The following PPP2R2B variants were observed in gnomAD, a reference collection of about 807,000 sequenced individuals.
PPP2R2B encodes the protein protein phosphatase 2 regulatory subunit Bbeta, also known as serine/threonine-protein phosphatase 2A 55 kDa regulatory subunit B beta isoform.
Under a neutral mutation model 46.0 loss-of-function variants are expected in PPP2R2B, and 5 were observed. That is an observed-to-expected ratio of 0.11 (90% CI 0.06 to 0.23). The LOEUF (loss-of-function observed/expected upper bound fraction) is 0.23. Among genes scored for constraint, PPP2R2B ranks in the 10% least tolerant of loss-of-function variants. PPP2R2B has a pLI of 1.00. For missense variants in PPP2R2B, 367 were observed against 575.0 expected (o/e 0.64, Z 3.70); for synonymous variants, 215 against 206.7 (o/e 1.04, Z -0.34).
chr5:146,906,280 T>C (rs1431569903), intron 1 of PPP2R2B, among the ~76,000 whole-genome samples: 1 of 151,690 alleles, frequency 6.6e-6, no homozygotes, highest in African/African-American at 2.4e-5. Flanking sequence ...TTAAAATTAA[T>C]TTCACCTGCT....
intron 1 of PPP2R2B, among the ~76,000 whole-genome samples, chr5:146,990,075 A>C (rs1014147168): frequency 1.4e-5 from 1 of 70,992 alleles, no homozygotes; most frequent in Admixed American, 1.6e-4. Flanking sequence ...TAATGAAAGA[A>C]GCTGAAAAAG....
At chr5:146,802,018 C>T (rs1005989292) in intron 2 of PPP2R2B, among the ~76,000 whole-genome samples, 2 of 152,074 alleles carry the variant, frequency 1.3e-5, no homozygotes, top group Non-Finnish European at 2.9e-5. Flanking sequence ...GCTGTGTCCT[C>T]GGCTGGGTCC....
chr5:147,020,749 A>G (rs1755222768), intron 1 of PPP2R2B, among the ~76,000 whole-genome samples: 1 of 152,200 alleles, frequency 6.6e-6, no homozygotes, highest in African/African-American at 2.4e-5. Context: ...TTAACTTCTA[A>G]TGAGAACAGT....
chr5:146,760,052 T>C (rs1754066419), intron 2 of PPP2R2B, among the ~76,000 whole-genome samples: 1 of 152,210 alleles, frequency 6.6e-6, no homozygotes, highest in Non-Finnish European at 1.5e-5. Flanking sequence ...AGAAGCTAAA[T>C]CTGCTTCCTA....
intron 1 of PPP2R2B, among the ~76,000 whole-genome samples, chr5:146,989,649 T>C (rs560159399): frequency 1.3e-5 from 2 of 152,164 alleles, no homozygotes; most frequent in South Asian, 2.1e-4. Flanking sequence ...TTATATGGAA[T>C]AGGCAAAAGT....
intron 8 of PPP2R2B, among the ~76,000 whole-genome samples, chr5:146,593,610 G>T (rs1327300531): frequency 2.0e-5 from 3 of 152,194 alleles, no homozygotes; most frequent in Non-Finnish European, 4.4e-5. Context: ...AGTAGTCAGG[G>T]CTTCACTGGA....
chr5:146,721,823 A>G (rs528576979), intron 2 of PPP2R2B, among the ~76,000 whole-genome samples: 1 of 152,336 alleles, frequency 6.6e-6, no homozygotes, highest in African/African-American at 2.4e-5. Context: ...TCTTGCAACA[A>G]CCTTGCAGGA....
chr5:146,753,573 G>A (rs145801977), intron 2 of PPP2R2B, among the ~76,000 whole-genome samples: 13 of 152,234 alleles, frequency 8.5e-5, no homozygotes, highest in Non-Finnish European at 1.6e-4. Context: ...TTACAGGGAG[G>A]GAGATTCTTG....
chr5:146,746,440 C>T (rs1044840855), intron 2 of PPP2R2B, among the ~76,000 whole-genome samples: 6 of 152,062 alleles, frequency 3.9e-5, no homozygotes, highest in African/African-American at 1.4e-4. Context: ...GGGTGACAGC[C>T]AGAATCAGAG....
At chr5:146,922,134 G>T (rs1005486017) in intron 1 of PPP2R2B, among the ~76,000 whole-genome samples, 22 of 152,134 alleles carry the variant, frequency 1.4e-4, no homozygotes, top group African/African-American at 5.3e-4. Flanking sequence ...GCCTAGTTGA[G>T]GGTTAAGTAC....
At position 146,925,285 on chromosome 5, in the gene PPP2R2B, C is replaced by T. The variant is rs74900892; in HGVS notation, c.79+130380G>A. 4.9e-4 allele frequency among the ~76,000 whole-genome samples: 74 copies of T among 152,262 alleles called. 1 individual carries two copies. The East Asian group carries it at 0.012, about 25-fold the overall frequency. On this transcript the variant is annotated intron_variant, in intron 1 of 8. Transcript: ENST00000336640. The stretch of plus-strand genomic sequence containing the variant: ...TTGTGCTATCATAGAGTACCATTTC[C>T]GGAAGGCCTTCCTTCCTTTGGTACA...
intron 5 of PPP2R2B, among the ~76,000 whole-genome samples, chr5:146,675,086 C>T (rs1183788317): frequency 1.3e-5 from 2 of 152,148 alleles, no homozygotes; most frequent in Non-Finnish European, 2.9e-5. Context: ...CCTCAGCCTC[C>T]AAGTAGCTGG....
rs540998224 is a variant in PPP2R2B, at chr5:147,069,785, G to GTTTTTTTTTTTTTTTTTTTT, written c.50+11254_50+11273dup. 4.2e-4 allele frequency among the ~76,000 whole-genome samples: 27 copies of GTTTTTTTTTTTTTTTTTTTT among 64,790 alleles called. 6 individuals are homozygous for GTTTTTTTTTTTTTTTTTTTT. The highest frequency in any genetic ancestry group is 1.7e-3 in the African/African-American group (22 of 13,262). 42.5% of individuals were successfully genotyped at this position (64,790 alleles called of 152,430 possible). Reference sequence around the variant, plus strand: ...CTCCCACATGAACACATTTTATACTGTTTTTTTTTTTTTTTTTTTTTTTGA... The same window carrying GTTTTTTTTTTTTTTTTTTTT: ...CTCCCACATGAACACATTTTATACTGTTTTTTTTTTTTTTTTTTTTTTTTTTTTTTTTTTTTTTTTTTTGA... On this transcript the variant is annotated intron_variant, in intron 2 of 10. Coordinates refer to the PPP2R2B transcript ENST00000394413.
intron 5 of PPP2R2B, among the ~76,000 whole-genome samples, chr5:146,654,023 C>G (rs553384508): frequency 6.6e-6 from 1 of 152,204 alleles, no homozygotes; most frequent in African/African-American, 2.4e-5. Context: ...TTTTCATCTG[C>G]TCTGGCCACA....
chr5:146,884,157 A>G (rs1762253981), intron 1 of PPP2R2B, among the ~76,000 whole-genome samples: 1 of 146,676 alleles, frequency 6.8e-6, no homozygotes, highest in African/African-American at 2.6e-5. Flanking sequence ...GTAGAAACAC[A>G]TTACTTGCTG....
At chr5:146,879,033 C>A, upstream of PPP2R2B, 1 of 645,058 alleles carries the variant, frequency 1.6e-6, no homozygotes, top group Non-Finnish European at 2.0e-6. Context: ...GAGCCCCTAG[C>A]TCCCTGCCTT....
intron 2 of PPP2R2B, among the ~76,000 whole-genome samples, chr5:146,848,513 T>C (rs1416298848): frequency 2.6e-5 from 4 of 152,178 alleles, no homozygotes; most frequent in East Asian, 1.9e-4. Flanking sequence ...AGGTATACTG[T>C]AGGATGCTCC....
At chr5:146,929,173 C>T (rs1763885330) in intron 1 of PPP2R2B, among the ~76,000 whole-genome samples, 1 of 152,192 alleles carries the variant, frequency 6.6e-6, no homozygotes, top group Admixed American at 6.5e-5. Flanking sequence ...CCCTCTCACT[C>T]ATTCCCACAT....
At chr5:146,985,270 C>T (rs913477290) in intron 1 of PPP2R2B, among the ~76,000 whole-genome samples, 3 of 152,138 alleles carry the variant, frequency 2.0e-5, no homozygotes, top group South Asian at 2.1e-4. Context: ...CCACCTGCCT[C>T]GGCCTCCCAA....
Sources: gnomAD v4.1 joint callset for allele counts (sites outside exome capture counted in the v4.1 genomes callset) on GRCh38, gnomAD v4.1.1 for gene constraint, MANE v1.5 for transcripts, NCBI Gene and HGNC (gene_info 2026-07-23, HGNC 2026-07-21) for gene names.